NFIB: variants seen among roughly 807,000 people sequenced by gnomAD.
The protein encoded by NFIB is nuclear factor 1 B-type.
NFIB carries 11 observed loss-of-function variants against 61.5 expected under a neutral mutation model. The observed-to-expected ratio is 0.18, with a 90% CI of 0.11 to 0.30. NFIB has a LOEUF of 0.30. Among genes scored for constraint, NFIB ranks in the 10% least tolerant of loss-of-function variants. The probability of loss-of-function intolerance (pLI) is 1.00; values close to 1 mark genes in which losing one functional copy is unlikely to be tolerated. For missense variants in NFIB, 471 were observed against 608.9 expected (o/e 0.77, Z 2.38); for synonymous variants, 260 against 216.5 (o/e 1.20, Z -1.76).
intron 10 of NFIB, chr9:14,096,367 T>C (rs549443737): frequency 6.6e-6 from 1 of 152,134 alleles, no homozygotes; most frequent in East Asian, 1.9e-4. Context: ...GAACAAAGAG[T>C]GCTCTGAACA....
chr9:14,347,913 G>A lies in NFIB; in HGVS notation c.109-40393C>T, dbSNP rs563377473. On this transcript the variant is annotated intron_variant, in intron 1 of 8. Transcript: ENST00000380934. Reference sequence around the variant, plus strand: ...CGCGCGCGCGCGCCAGGGAGCTTTGGAGCGACGCGCGTAGTTTCGCGTCGC... The same window carrying A: ...CGCGCGCGCGCGCCAGGGAGCTTTGAAGCGACGCGCGTAGTTTCGCGTCGC... 2.6e-5 allele frequency among the ~76,000 whole-genome samples: 4 copies of A among 152,312 alleles called. No homozygotes were observed. In the East Asian group the frequency reaches 5.8e-4, roughly 22 times the overall value.
At chr9:14,133,749 A>C (rs1294273761) in intron 6 of NFIB, among the ~76,000 whole-genome samples, 1 of 152,222 alleles carries the variant, frequency 6.6e-6, no homozygotes, top group Non-Finnish European at 1.5e-5. Flanking sequence ...ACAACTATTA[A>C]GGCCAGATTG....
the NFIB span, among the ~76,000 whole-genome samples, chr9:14,462,369 G>T: frequency 6.6e-6 from 1 of 151,016 alleles, no homozygotes; most frequent in African/African-American, 2.4e-5. Context: ...TGCAAGCTCC[G>T]CCTCCCGGGT....
At chr9:14,257,681 G>A (rs1056559404) in intron 2 of NFIB, among the ~76,000 whole-genome samples, 15 of 152,058 alleles carry the variant, frequency 9.9e-5, no homozygotes, top group East Asian at 9.6e-4. Flanking sequence ...GCTTGAACCC[G>A]GGGGACAGAG....
chr9:14,217,688 A>T lies in NFIB; in HGVS notation c.563-37908T>A, dbSNP rs550343853. 7.3e-5 allele frequency among the ~76,000 whole-genome samples: 11 copies of T among 150,512 alleles called. No homozygotes were observed. In the South Asian group the frequency reaches 1.0e-3, roughly 14 times the overall value. On this transcript the variant is annotated intron_variant, in intron 2 of 10. Coordinates refer to ENST00000380953, the MANE Select transcript of NFIB (RefSeq NM_001190737.2). The stretch of plus-strand genomic sequence containing the variant: ...AAAAAAAAAAAAAAAAAAAGACACA[A>T]ACTAAGCAAACTCTAAATTTATATT...
At chr9:14,375,011 C>T (rs879714216) in intron 1 of NFIB, among the ~76,000 whole-genome samples, 7 of 152,148 alleles carry the variant, frequency 4.6e-5, no homozygotes, top group Admixed American at 2.0e-4. Context: ...GAATGAATGT[C>T]ACGTTTATTT....
At chr9:14,414,139 C>G in the NFIB span, among the ~76,000 whole-genome samples, 1 of 152,042 alleles carries the variant, frequency 6.6e-6, no homozygotes, top group African/African-American at 2.4e-5. Context: ...AGACATAATT[C>G]TAAAAATGAA....
intron 6 of NFIB, among the ~76,000 whole-genome samples, chr9:14,141,014 T>C (rs1011078381): frequency 5.3e-5 from 8 of 152,174 alleles, no homozygotes; most frequent in African/African-American, 1.9e-4. Flanking sequence ...ATTGAGCACA[T>C]AATACTAAAC....
chr9:14,208,388 A>G (rs1173264908), intron 2 of NFIB, among the ~76,000 whole-genome samples: 1 of 152,058 alleles, frequency 6.6e-6, no homozygotes, highest in Non-Finnish European at 1.5e-5. Context: ...TGCTAATTCA[A>G]GAAGAACTGA....
chr9:14,483,261 A>G, the NFIB span, among the ~76,000 whole-genome samples: 1 of 152,252 alleles, frequency 6.6e-6, no homozygotes, highest in East Asian at 1.9e-4. Flanking sequence ...GGAAATTGGT[A>G]AGATGTGAAA....
chr9:14,285,491 A>G (rs2058652245), intron 2 of NFIB, among the ~76,000 whole-genome samples: 1 of 152,166 alleles, frequency 6.6e-6, no homozygotes, highest in Non-Finnish European at 1.5e-5. Context: ...GTTATTTCAG[A>G]CTATATAATA....
the NFIB span, among the ~76,000 whole-genome samples, chr9:14,404,340 C>T: frequency 6.6e-6 from 1 of 152,162 alleles, no homozygotes. Flanking sequence ...AGGCACTATT[C>T]TTGGCAGTGG....
At chr9:14,394,247 C>T (rs940030208) in intron 1 of NFIB, among the ~76,000 whole-genome samples, 1 of 152,188 alleles carries the variant, frequency 6.6e-6, no homozygotes, top group Admixed American at 6.5e-5. Context: ...TAACATAGGA[C>T]AGACACTCTA....
chr9:14,404,975 C>G, the NFIB span, among the ~76,000 whole-genome samples: 1 of 152,244 alleles, frequency 6.6e-6, no homozygotes, highest in South Asian at 2.1e-4. Flanking sequence ...AGTTTTTTAC[C>G]TATTTTCCTT....
chr9:14,365,857 G>C (rs952634081), intron 1 of NFIB, among the ~76,000 whole-genome samples: 2 of 152,138 alleles, frequency 1.3e-5, no homozygotes, highest in African/African-American at 4.8e-5. Flanking sequence ...AAACTATGGA[G>C]TAAGAGCAAA....
At chr9:14,099,844 G>A (rs1344515124) in intron 10 of NFIB, among the ~76,000 whole-genome samples, 1 of 152,178 alleles carries the variant, frequency 6.6e-6, no homozygotes, top group Admixed American at 6.5e-5. Flanking sequence ...AGGCCAAGGC[G>A]AGCAGATCAC....
At chr9:14,149,060 A>G (rs974606021) in intron 5 of NFIB, among the ~76,000 whole-genome samples, 7 of 151,860 alleles carry the variant, frequency 4.6e-5, no homozygotes, top group African/African-American at 1.7e-4. Flanking sequence ...ACAGTGATTT[A>G]GCAGACAGAA....
chr9:14,280,899 T>A (rs772389250), intron 2 of NFIB, among the ~76,000 whole-genome samples: 1 of 152,160 alleles, frequency 6.6e-6, no homozygotes, highest in Non-Finnish European at 1.5e-5. Flanking sequence ...TTGTGATCAT[T>A]TAAAAAATAA....
At chr9:14,357,183 G>A (rs1036308119) in intron 1 of NFIB, 1 of 152,172 alleles carries the variant, frequency 6.6e-6, no homozygotes, top group Admixed American at 6.5e-5. Flanking sequence ...ACTCCTCCAA[G>A]TCACACAAGG....
Sources: allele counts gnomAD v4.1 joint callset (sites outside exome capture counted in the v4.1 genomes callset), GRCh38; gene constraint gnomAD v4.1.1; transcripts MANE v1.5; gene names NCBI Gene and HGNC (gene_info 2026-07-23, HGNC 2026-07-21).